The following CNNM2 variants were observed in gnomAD, a reference collection of about 807,000 sequenced individuals.
The protein encoded by CNNM2 is metal transporter CNNM2.
In CNNM2, 12 loss-of-function variants were observed where a neutral mutation model predicts 66.9. The ratio of observed to expected loss-of-function variants is 0.18; its 90% CI spans 0.11 to 0.29. The LOEUF is 0.29. Ranked by LOEUF, CNNM2 falls within the 10% of genes least tolerant of loss-of-function variation. CNNM2 has a pLI of 1.00. For missense variants in CNNM2, 705 were observed against 1,167.7 expected, an observed-to-expected ratio of 0.60 and a Z score of 5.77; for synonymous variants, 557 against 501.8, an observed-to-expected ratio of 1.11 and a Z score of -1.47.
At chr10:103,060,501 T>C (rs2065366312) in intron 4 of CNNM2, among the ~76,000 whole-genome samples, 1 of 152,108 alleles carries the variant, frequency 6.6e-6, no homozygotes, top group South Asian at 2.1e-4. Flanking sequence ...GCCGAGATCG[T>C]GCCACTGCAC....
intron 1 of CNNM2, among the ~76,000 whole-genome samples, chr10:103,018,364 A>T (rs2064497649): frequency 6.6e-6 from 1 of 152,158 alleles, no homozygotes; most frequent in African/African-American, 2.4e-5. Context: ...TTAGAGAAAG[A>T]AAGTGTGATA....
rs188323368 is a variant in CNNM2 at position 102,934,879 on chromosome 10, C to T, written c.1621+14778C>T. 2.6e-5 allele frequency among the ~76,000 whole-genome samples: 4 copies of T among 151,962 alleles called. No individual in the cohort carries two copies. In the East Asian group the frequency reaches 7.8e-4, roughly 30 times the overall value. On this transcript the variant is annotated intron_variant, in intron 1 of 7. Transcript: ENST00000369878. ...TAAAAAGTTTAAAAATGATTTTGGG[C>T]TGGGCATGGTGGCTCATGCCTGTAA...
intron 1 of CNNM2, among the ~76,000 whole-genome samples, chr10:102,944,386 T>G (rs1007973133): frequency 1.3e-5 from 2 of 152,138 alleles, no homozygotes; most frequent in African/African-American, 4.8e-5. Context: ...CCTGCTTTCG[T>G]AACTCTTATA....
intron 1 of CNNM2, among the ~76,000 whole-genome samples, chr10:102,940,421 T>A (rs1590280918): frequency 1.3e-5 from 2 of 152,276 alleles, no homozygotes; most frequent in African/African-American, 4.8e-5. Context: ...TATTTTATTT[T>A]ATTTATTTAT....
At chr10:102,958,314 C>G (rs1847124214) in intron 1 of CNNM2, among the ~76,000 whole-genome samples, 1 of 152,036 alleles carries the variant, frequency 6.6e-6, no homozygotes, top group Non-Finnish European at 1.5e-5. Flanking sequence ...TTTCAAAAAG[C>G]AATATTGTGC....
At chr10:103,049,340 C>T (rs2065179212) in intron 1 of CNNM2, among the ~76,000 whole-genome samples, 1 of 152,176 alleles carries the variant, frequency 6.6e-6, no homozygotes, top group African/African-American at 2.4e-5. Context: ...AGTTGGGCCT[C>T]ATGGACCTCC....
intron 1 of CNNM2, among the ~76,000 whole-genome samples, chr10:102,939,328 C>T (rs1846346187): frequency 6.6e-6 from 1 of 152,194 alleles, no homozygotes; most frequent in African/African-American, 2.4e-5. Flanking sequence ...AAGATTTCTT[C>T]AAGAATAGCT....
In CNNM2 at chr10:102,938,172, G is replaced by A. The variant is rs36045108; in HGVS notation, c.1621+18071G>A. Among the ~76,000 whole-genome samples, 47,407 of 150,790 alleles carry A rather than the reference G, an allele frequency of 0.31. 7,550 individuals are homozygous for A. Among genetic ancestry groups the A allele is most frequent in the Middle Eastern group, 0.37 (109 of 294 alleles). ...AAAATTAGGCCGGGTGCGGTGGCAC[G>A]TACCTGTAATCCCAGCACTCTGGGA... On this transcript the variant is annotated intron_variant, in intron 1 of 7. Transcript: ENST00000369878.
chr10:103,068,920 A>G (rs1181969279), intron 5 of CNNM2, among the ~76,000 whole-genome samples, 198 bp downstream of exon 5: 1 of 152,150 alleles, frequency 6.6e-6, no homozygotes, highest in Admixed American at 6.5e-5. Flanking sequence ...CAAACTGAAC[A>G]CGTGTAAAGT....
At chr10:102,999,503 T>G (rs987135932) in intron 1 of CNNM2, among the ~76,000 whole-genome samples, 5 of 152,168 alleles carry the variant, frequency 3.3e-5, no homozygotes, top group Non-Finnish European at 7.3e-5. Flanking sequence ...TTCTACAAAC[T>G]AAAACATTAA....
chr10:103,039,932 CAAG>C (rs941782789), intron 1 of CNNM2, among the ~76,000 whole-genome samples: 1 of 152,070 alleles, frequency 6.6e-6, no homozygotes, highest in African/African-American at 2.4e-5. Context: ...TCTGGGAGGC[CAAG>C]AAGGGTGGAT....
At chr10:102,952,506 G>C (rs1846876641) in intron 1 of CNNM2, among the ~76,000 whole-genome samples, 1 of 152,070 alleles carries the variant, frequency 6.6e-6, no homozygotes, top group Admixed American at 6.6e-5. Flanking sequence ...GGAGCTTGCA[G>C]TGAGCCGAGA....
rs1290706798 is a variant in CNNM2 at position 103,023,371 on chromosome 10, G to A, written c.1622-26336G>A. Among the ~76,000 whole-genome samples the A allele has an allele frequency of 3.3e-5, 5 of 152,272 alleles. No individual in the cohort carries two copies. The East Asian group carries it at 7.7e-4, about 24-fold the overall frequency. On this transcript the variant is annotated intron_variant, in intron 1 of 7. Coordinates refer to ENST00000369878, the MANE Select transcript of CNNM2 (RefSeq NM_017649.5). ...AGTTCGAGACCAGCCTAACCAAAAT[G>A]GTGAAACCCCATCTCTACTAAAAAT...
chr10:103,072,837 A>G (rs2065614411), intron 6 of CNNM2, among the ~76,000 whole-genome samples: 1 of 152,180 alleles, frequency 6.6e-6, no homozygotes, highest in Non-Finnish European at 1.5e-5. Context: ...TTTTAGCTCT[A>G]CTTGTTGTGA....
chr10:103,069,017 G>A (rs1047098773), intron 5 of CNNM2, among the ~76,000 whole-genome samples: 18 of 152,288 alleles, frequency 1.2e-4, no homozygotes, highest in African/African-American at 4.3e-4. Context: ...CAGAGTAACT[G>A]CTTTCTTGAC....
At chr10:102,939,088 T>G (rs768642129) in intron 1 of CNNM2, among the ~76,000 whole-genome samples, 21 of 152,200 alleles carry the variant, frequency 1.4e-4, no homozygotes, top group South Asian at 4.1e-4. Context: ...AAACCAGGTA[T>G]GAGTAGCAAA....
At chr10:103,070,663 G>T (rs1383589537) in intron 5 of CNNM2, among the ~76,000 whole-genome samples, 1 of 152,214 alleles carries the variant, frequency 6.6e-6, no homozygotes, top group African/African-American at 2.4e-5. Flanking sequence ...AGAGGATGTG[G>T]TGAGCAGCCC....
At chr10:102,986,521 G>A (rs1466133988) in intron 1 of CNNM2, among the ~76,000 whole-genome samples, 2 of 152,088 alleles carry the variant, frequency 1.3e-5, no homozygotes, top group Admixed American at 6.6e-5. Flanking sequence ...GGTGGCTCAC[G>A]CCTGTAATAC....
At position 103,087,140 on chromosome 10, in the gene CNNM2, A is replaced by ATTTCTTTTTTTTT. The variant is rs2065827595; in HGVS notation, c.*9963_*9964insCTTTTTTTTTTTT. On this transcript the variant is annotated 3_prime_UTR_variant, in exon 8 of 8. Transcript: ENST00000369878. ...TTCTCACGGTATAAAACTCCGCAGG[A>ATTTCTTTTTTTTT]TTTTTTTTTTTTTTTTTTTTTTTTT... The ATTTCTTTTTTTTT allele has an allele frequency of 1.3e-5, 1 of 75,374 alleles. No individual in the cohort carries two copies. The highest frequency in any genetic ancestry group is 2.3e-5 in the Non-Finnish European group (1 of 42,740). 4.7% of individuals were successfully genotyped at this position (75,374 alleles called of 1,614,324 possible).
Sources: allele counts gnomAD v4.1 joint callset (sites outside exome capture counted in the v4.1 genomes callset), GRCh38; gene constraint gnomAD v4.1.1; transcripts MANE v1.5; gene names NCBI Gene and HGNC (gene_info 2026-07-23, HGNC 2026-07-21).